KCNG3: variants seen among roughly 807,000 people sequenced by gnomAD.
KCNG3 encodes voltage-gated potassium channel regulatory subunit KCNG3.
In KCNG3, 15 loss-of-function variants were observed where a neutral mutation model predicts 29.0. The observed-to-expected ratio is 0.52, with a 90% CI of 0.35 to 0.80. KCNG3 has a LOEUF of 0.80. Ranked by LOEUF, KCNG3 falls within the 30% of genes least tolerant of loss-of-function variation. KCNG3 has a pLI of 0.01. For missense variants in KCNG3, 512 were observed against 605.7 expected (o/e 0.85, Z 1.62); for synonymous variants, 322 against 248.9 (o/e 1.29, Z -2.76).
downstream of KCNG3, among the ~76,000 whole-genome samples, chr2:42,438,658 A>G (rs1672417345): frequency 6.6e-6 from 1 of 152,254 alleles, no homozygotes; most frequent in Non-Finnish European, 1.5e-5. Context: ...CTGACAATTG[A>G]GCTTATGCTA....
chr2:42,428,800 TG>T, the KCNG3 span, among the ~76,000 whole-genome samples: 1 of 152,074 alleles, frequency 6.6e-6, no homozygotes, highest in East Asian at 1.9e-4. Context: ...CACCTGGTTG[TG>T]GGGCCTCCTG....
At chr2:42,388,478 A>G in the KCNG3 span, 5 of 152,352 alleles carry the variant, frequency 3.3e-5, no homozygotes, top group African/African-American at 1.2e-4. Context: ...ATAAAATACC[A>G]CAGACTGGTG....
intron 1 of KCNG3, among the ~76,000 whole-genome samples, chr2:42,473,880 G>A (rs979614673): frequency 5.3e-5 from 8 of 152,090 alleles, no homozygotes; most frequent in East Asian, 1.9e-4. Flanking sequence ...GGCCAGGCGC[G>A]GTGGCTCACG....
intron 1 of KCNG3, among the ~76,000 whole-genome samples, chr2:42,485,476 A>C (rs1673697313): frequency 2.7e-5 from 4 of 150,636 alleles, no homozygotes; most frequent in African/African-American, 9.8e-5. Flanking sequence ...ACGGAGTCTC[A>C]CTCTGTCACC....
rs755240497 is a variant in KCNG3, at chr2:42,493,181, G to T, written c.321C>A (p.His107Gln). ...GGCGGCGCTGGCAGCAGTACTCGAGGTGCGCGCCCTCCAGGCCCCAGTAGA... is the reference window on the plus strand; with the variant it reads ...GGCGGCGCTGGCAGCAGTACTCGAGTTGCGCGCCCTCCAGGCCCCAGTAGA... ...EMIYWGLEGA[H>Q]LEYCCQRRLD... is the part of the protein sequence containing the mutation. The change falls in exon 1 of 2, where the codon CAC (histidine) becomes CAA (glutamine). Residue 107 changes from histidine to glutamine, a missense_variant. Around this residue, in one of 5 missense-constraint regions of KCNG3, gnomAD observed 228 missense variants for 200.0 expected, o/e 1.14. Coordinates refer to ENST00000306078, the MANE Select transcript of KCNG3 (RefSeq NM_133329.6). The T allele has an allele frequency of 1.2e-6, 2 of 1,609,336 alleles. No individual in the cohort carries two copies. Among genetic ancestry groups the T allele is most frequent in the African/African-American group, 1.3e-5 (1 of 75,042 alleles).
downstream of KCNG3, among the ~76,000 whole-genome samples, chr2:42,438,885 C>A (rs1672421305): frequency 6.7e-6 from 1 of 149,284 alleles, no homozygotes. Context: ...TGCAGATGGG[C>A]TCTGGAAAAT....
chr2:42,463,936 C>A, intron 1 of KCNG3: 1 of 338,072 alleles, frequency 3.0e-6, no homozygotes. Context: ...TAATCCACAG[C>A]CCTTGGTGAA....
At chr2:42,459,531 T>C (rs1327011085) in intron 1 of KCNG3, among the ~76,000 whole-genome samples, 2 of 152,300 alleles carry the variant, frequency 1.3e-5, no homozygotes, top group Middle Eastern at 3.4e-3. Context: ...GACAACATAT[T>C]AACCTGGATG....
the KCNG3 span, among the ~76,000 whole-genome samples, chr2:42,405,442 A>C: frequency 3.6e-5 from 5 of 137,618 alleles, no homozygotes; most frequent in Admixed American, 2.9e-4. Flanking sequence ...ATTCTGCAGC[A>C]TTTTTTTTTT....
intron 1 of KCNG3, among the ~76,000 whole-genome samples, chr2:42,477,292 G>C (rs2083532578): frequency 6.7e-6 from 1 of 150,052 alleles, no homozygotes; most frequent in African/African-American, 2.5e-5. Flanking sequence ...TATGCTTAAA[G>C]GCAGAAAGGG....
chr2:42,458,265 C>T (rs115224163), intron 1 of KCNG3, among the ~76,000 whole-genome samples: 6 of 152,128 alleles, frequency 3.9e-5, no homozygotes, highest in East Asian at 1.9e-4. Flanking sequence ...ATTATTCCGT[C>T]GGATCTCTTT....
At chr2:42,415,003 G>A in the KCNG3 span, among the ~76,000 whole-genome samples, 1 of 151,996 alleles carries the variant, frequency 6.6e-6, no homozygotes, top group Non-Finnish European at 1.5e-5. Flanking sequence ...TATATTTCTT[G>A]ATATAAATTC....
chr2:42,493,567 G>A lies in KCNG3; in HGVS notation c.-66C>T, dbSNP rs1020512706. The A allele has an allele frequency of 1.0e-5, 13 of 1,261,220 alleles. No homozygotes were observed. The highest frequency in any genetic ancestry group is 3.1e-5 in the South Asian group (1 of 32,474). 78.1% of individuals were successfully genotyped at this position (1,261,220 alleles called of 1,614,324 possible). A position where few individuals can be genotyped will look rare whatever the true frequency, so the allele number is the denominator to read the frequency against. ...GCAGCCCCCCACCCCAAGCCGCCAC[G>A]CGGGGCCTGCCTGCCCGTGGCTGAC... On this transcript the variant is annotated 5_prime_UTR_variant, in exon 1 of 2. Coordinates refer to ENST00000306078, the MANE Select transcript of KCNG3 (RefSeq NM_133329.6).
chr2:42,450,713 A>G (rs1416445202), intron 1 of KCNG3, among the ~76,000 whole-genome samples: 1 of 152,170 alleles, frequency 6.6e-6, no homozygotes, highest in Non-Finnish European at 1.5e-5. Flanking sequence ...CCCTTTCAAG[A>G]AGTCTATGAA....
chr2:42,406,944 G>T, the KCNG3 span, among the ~76,000 whole-genome samples: 1 of 151,286 alleles, frequency 6.6e-6, no homozygotes, highest in Non-Finnish European at 1.5e-5. Flanking sequence ...CATTCTATAT[G>T]ATAAAATTTC....
At chr2:42,417,158 G>A in the KCNG3 span, among the ~76,000 whole-genome samples, 3 of 152,128 alleles carry the variant, frequency 2.0e-5, no homozygotes, top group East Asian at 3.9e-4. Flanking sequence ...CAAGAGAATC[G>A]CTTGAACCTG....
intron 1 of KCNG3, among the ~76,000 whole-genome samples, chr2:42,466,305 C>T (rs562785196): frequency 6.6e-6 from 1 of 152,282 alleles, no homozygotes; most frequent in South Asian, 2.1e-4. Context: ...ACTCGGGAGG[C>T]TGAGGCAGGA....
the KCNG3 span, among the ~76,000 whole-genome samples, chr2:42,432,857 T>G: frequency 6.6e-6 from 1 of 151,120 alleles, no homozygotes; most frequent in African/African-American, 2.4e-5. Flanking sequence ...TATTTCCTGA[T>G]ATAGACAGTA....
rs907382317 is a variant in KCNG3 at position 42,493,569 on chromosome 2, G to A, written c.-68C>T. 8.0e-7 allele frequency: 1 copy of A among 1,251,552 alleles called. No individual in the cohort carries two copies. Among genetic ancestry groups the A allele is most frequent in the Non-Finnish European group, 1.0e-6 (1 of 998,588 alleles). The allele number at this position is 1,251,552 out of a possible 1,614,324, so 77.5% of individuals were successfully genotyped here. A position where few individuals can be genotyped will look rare whatever the true frequency, so the allele number is the denominator to read the frequency against. On this transcript the variant is annotated 5_prime_UTR_variant, in exon 1 of 2. Coordinates refer to ENST00000306078, the MANE Select transcript of KCNG3 (RefSeq NM_133329.6). ...AGCCCCCCACCCCAAGCCGCCACGC[G>A]GGGCCTGCCTGCCCGTGGCTGACGG...
Sources: gnomAD v4.1 joint callset for allele counts (sites outside exome capture counted in the v4.1 genomes callset) on GRCh38, gnomAD v4.1.1 for gene constraint, gnomAD v4.1.1 regional missense constraint, MANE v1.5 for transcripts, NCBI Gene and HGNC (gene_info 2026-07-23, HGNC 2026-07-21) for gene names.